Variants in BLTP2 observed in about 807,000 individuals in gnomAD.
BLTP2 encodes the protein bridge-like lipid transfer protein family member 2.
At chr17:28,630,687 T>C in the BLTP2 span, among the ~76,000 whole-genome samples, 1 of 151,944 alleles carries the variant, frequency 6.6e-6, no homozygotes, top group Non-Finnish European at 1.5e-5. Context: ...TTTCACCATG[T>C]TGGTCAGGCT....
At chr17:28,627,985 T>C in the BLTP2 span, among the ~76,000 whole-genome samples, 3 of 152,122 alleles carry the variant, frequency 2.0e-5, no homozygotes, top group Admixed American at 6.6e-5. Flanking sequence ...TTTATTTCTC[T>C]CTTATGGCAT....
chr17:28,640,347 C>T, the BLTP2 span: 50 of 537,166 alleles, frequency 9.3e-5, no homozygotes, highest in African/African-American at 8.8e-4. Context: ...GAGCCAAGAT[C>T]GCACCACTGA....
chr17:28,632,819 C>A, the BLTP2 span: 56 of 679,712 alleles, frequency 8.2e-5, no homozygotes, highest in Admixed American at 2.0e-4. Flanking sequence ...AAGGTCCTAA[C>A]CTAGATTCTC....
At chr17:28,637,023 G>C in the BLTP2 span, 1 of 1,614,194 alleles carries the variant, frequency 6.2e-7, no homozygotes, top group Non-Finnish European at 8.5e-7. Context: ...GCTGAGCACT[G>C]GGGTAGGGAT....
the BLTP2 span, chr17:28,639,973 C>T: frequency 1.2e-6 from 2 of 1,614,082 alleles, no homozygotes; most frequent in Admixed American, 3.3e-5. Flanking sequence ...GGCAGCTGAT[C>T]CTCATCACGG....
At chr17:28,640,171 GA>G in the BLTP2 span, 7 of 820,636 alleles carry the variant, frequency 8.5e-6, no homozygotes, top group East Asian at 2.0e-4. Flanking sequence ...GAGGCAGGGG[GA>G]TCACGAGGTC....
the BLTP2 span, chr17:28,634,706 G>C: frequency 2.5e-6 from 4 of 1,614,146 alleles, no homozygotes; most frequent in Non-Finnish European, 3.4e-6. Context: ...AGCAGTGCCC[G>C]GCGCATGGGT....
the BLTP2 span, chr17:28,642,139 T>A: frequency 6.9e-6 from 11 of 1,589,460 alleles, no homozygotes; most frequent in South Asian, 1.1e-4. Flanking sequence ...TAGGTCAAAA[T>A]GTGGTGATCT....
chr17:28,621,317 TAAG>T, the BLTP2 span: 4 of 1,428,350 alleles, frequency 2.8e-6, no homozygotes, highest in Non-Finnish European at 4.0e-6. Context: ...ACACTGACGT[TAAG>T]AATAGGTAGG....
chr17:28,622,820 T>C, the BLTP2 span, among the ~76,000 whole-genome samples: 2,318 of 152,338 alleles, frequency 0.015, 57 homozygotes, highest in African/African-American at 0.052. Context: ...CTCACGCCTG[T>C]AATCCCAGCA....
the BLTP2 span, chr17:28,634,502 G>C: frequency 1.2e-6 from 2 of 1,600,806 alleles, no homozygotes; most frequent in Non-Finnish European, 1.7e-6. Flanking sequence ...TGCAAATAAA[G>C]GAAACACTAC....
At chr17:28,632,111 T>C in the BLTP2 span, 1 of 1,614,220 alleles carries the variant, frequency 6.2e-7, no homozygotes, top group Non-Finnish European at 8.5e-7. Flanking sequence ...AGTTTCTTCT[T>C]GCTGGGTTTC....
chr17:28,642,514 G>A, the BLTP2 span: 934 of 599,438 alleles, frequency 1.6e-3, 7 homozygotes, highest in African/African-American at 0.016. Flanking sequence ...AGCCAGGCGC[G>A]GTGGCGGCCG....
the BLTP2 span, chr17:28,623,865 T>C: frequency 8.7e-6 from 14 of 1,614,102 alleles, no homozygotes; most frequent in Admixed American, 1.8e-4. Flanking sequence ...TTTGCTTCAA[T>C]GTATCACCAT....
chr17:28,624,446 C>G, the BLTP2 span: 2 of 1,525,376 alleles, frequency 1.3e-6, no homozygotes, highest in Non-Finnish European at 1.8e-6. Context: ...AAAGACTTTT[C>G]CCTTTCCAGA....
the BLTP2 span, chr17:28,633,683 A>G: frequency 6.2e-7 from 1 of 1,614,120 alleles, no homozygotes; most frequent in Admixed American, 1.7e-5. Context: ...AGGTCCACAC[A>G]CTGGCCAATT....
the BLTP2 span, chr17:28,637,006 T>C: frequency 2.5e-6 from 4 of 1,613,960 alleles, no homozygotes; most frequent in East Asian, 4.5e-5. Context: ...ATGGAGAGCA[T>C]GGAAAGGCTG....
chr17:28,631,237 T>G, the BLTP2 span, among the ~76,000 whole-genome samples: 1 of 152,130 alleles, frequency 6.6e-6, no homozygotes, highest in East Asian at 1.9e-4. Context: ...ACTTGTGCTC[T>G]CTCTCCCTCT....
the BLTP2 span, chr17:28,615,135 G>A: frequency 1.9e-6 from 3 of 1,614,098 alleles, no homozygotes; most frequent in Non-Finnish European, 2.5e-6. Context: ...ATGAGGAGCC[G>A]GGCTTTCTCC....
Sources: allele counts gnomAD v4.1 joint callset (sites outside exome capture counted in the v4.1 genomes callset), GRCh38; gene constraint gnomAD v4.1.1; transcripts MANE v1.5; gene names NCBI Gene and HGNC (gene_info 2026-07-23, HGNC 2026-07-21).